The following NMU variants were observed in gnomAD, a reference collection of about 807,000 sequenced individuals.
NMU encodes neuromedin-U.
In NMU, 29 loss-of-function variants were observed where a neutral mutation model predicts 35.4. The observed-to-expected ratio is 0.82, with a 90% confidence interval of 0.61 to 1.12. The LOEUF (loss-of-function observed/expected upper bound fraction) is 1.12. Among genes scored for constraint, NMU ranks in the 50% most tolerant of loss-of-function variants. The probability of loss-of-function intolerance (pLI) is 0.00; values close to 1 mark genes in which losing one functional copy is unlikely to be tolerated. For synonymous variants in NMU, 78 were observed against 81.3 expected (o/e 0.96, Z 0.22); for missense variants, 199 against 206.2 (o/e 0.97, Z 0.21).
chr4:55,597,960 TG>T (rs1345907651), intron 9 of NMU, among the ~76,000 whole-genome samples: 2 of 152,096 alleles, frequency 1.3e-5, no homozygotes, highest in East Asian at 3.8e-4. Flanking sequence ...AAAGAATTAC[TG>T]ACAGATTTTT....
chr4:55,625,994 A>G (rs1734513458), intron 2 of NMU, among the ~76,000 whole-genome samples: 1 of 152,056 alleles, frequency 6.6e-6, no homozygotes, highest in Non-Finnish European at 1.5e-5. Context: ...CCACTTATGG[A>G]TCTGTGGGAG....
chr4:55,625,003 CT>C (rs1221545444), intron 2 of NMU, among the ~76,000 whole-genome samples: 2 of 82,802 alleles, frequency 2.4e-5, no homozygotes, highest in African/African-American at 8.6e-5. Flanking sequence ...GAATATCACA[CT>C]CTGGGGACTG....
chr4:55,600,154 T>C (rs964432090), intron 8 of NMU, among the ~76,000 whole-genome samples: 13 of 152,172 alleles, frequency 8.5e-5, no homozygotes, highest in African/African-American at 3.1e-4. Flanking sequence ...TTTGTGAAAG[T>C]ATTCGTAACT....
At chr4:55,602,639 C>G (rs746172217) in intron 7 of NMU, among the ~76,000 whole-genome samples, 6 of 152,162 alleles carry the variant, frequency 3.9e-5, no homozygotes, top group Non-Finnish European at 7.4e-5. Context: ...ATAACTCGAG[C>G]AAACACTTTT....
At position 55,616,358 on chromosome 4, in the gene NMU, A is replaced by C. The variant is rs199710533; in HGVS notation, c.199T>G (p.Ser67Ala). The C allele has an allele frequency of 6.2e-7, 1 of 1,612,340 alleles. No homozygotes were observed. The highest frequency in any genetic ancestry group is 1.3e-5 in the African/African-American group (1 of 75,030). The change falls in exon 3 of 10, where the codon TCC (serine) becomes GCC (alanine). Residue 67 changes from serine (S) to alanine (A), a missense_variant. Coordinates refer to ENST00000264218, the MANE Select transcript of NMU (RefSeq NM_006681.4). ...ATTACCTGAGGCTGAGAATCAATGGACAGAAAAGACGAACAAGTATCATCT... is the reference window on the plus strand; with the variant it reads ...ATTACCTGAGGCTGAGAATCAATGGCCAGAAAAGACGAACAAGTATCATCT... The part of the protein sequence containing the change: ...EIDDTCSSFL[S>A]IDSQPQASNA...
At chr4:55,607,599 T>C (rs1440493861) in intron 4 of NMU, 133 bp from the exon 5 acceptor site, 2 of 345,118 alleles carry the variant, frequency 5.8e-6, no homozygotes, top group Non-Finnish European at 1.1e-5. Context: ...AATACAAGAC[T>C]GAAATTAGTT....
chr4:55,616,121 G>A lies in NMU; in HGVS notation c.219+217C>T, dbSNP rs571444902. 3.3e-5 allele frequency among the ~76,000 whole-genome samples: 5 copies of A among 152,244 alleles called. No homozygotes were observed. The South Asian group carries it at 6.2e-4, about 19-fold the overall frequency. ...ATTTTAATTTGACGTTACAAAATAC[G>A]TGTATATTGTCTGCAAATCTATTTT... On this transcript the variant is annotated intron_variant, in intron 3 of 9. Coordinates refer to ENST00000264218, the MANE Select transcript of NMU (RefSeq NM_006681.4).
At chr4:55,597,142 T>G (rs1271973864) in intron 9 of NMU, among the ~76,000 whole-genome samples, 5 of 152,046 alleles carry the variant, frequency 3.3e-5, no homozygotes, top group Admixed American at 3.3e-4. Flanking sequence ...CCTTTTAAAT[T>G]TTTACATTAA....
chr4:55,605,212 A>T, intron 7 of NMU, 63 bp downstream of exon 7: 2 of 1,068,120 alleles, frequency 1.9e-6, no homozygotes, highest in Non-Finnish European at 2.9e-6. Flanking sequence ...CACAGCTGGG[A>T]ATTAACAGAA....
At chr4:55,628,568 G>C (rs542284008) in intron 2 of NMU, among the ~76,000 whole-genome samples, 1 of 151,924 alleles carries the variant, frequency 6.6e-6, no homozygotes, top group African/African-American at 2.4e-5. Flanking sequence ...GTGCCATCTC[G>C]GCTCACTGCA....
chr4:55,610,537 G>GAAC (rs1418424739), intron 3 of NMU, among the ~76,000 whole-genome samples: 1 of 151,882 alleles, frequency 6.6e-6, no homozygotes, highest in East Asian at 1.9e-4. Flanking sequence ...CTCTCCCTTT[G>GAAC]AACAACAGTA....
intron 3 of NMU, among the ~76,000 whole-genome samples, chr4:55,615,877 G>C (rs866786258): frequency 6.6e-6 from 1 of 152,034 alleles, no homozygotes; most frequent in Non-Finnish European, 1.5e-5. Flanking sequence ...GTGAGAACAT[G>C]CAATATTTGG....
chr4:55,614,267 T>C (rs1301634591), intron 3 of NMU, among the ~76,000 whole-genome samples: 2 of 152,182 alleles, frequency 1.3e-5, no homozygotes, highest in Non-Finnish European at 2.9e-5. Flanking sequence ...TTATTTTGTA[T>C]GTATTCTTCC....
At chr4:55,618,943 C>T (rs147177178) in intron 2 of NMU, among the ~76,000 whole-genome samples, 1,599 of 148,744 alleles carry the variant, frequency 0.011, 36 homozygotes, top group African/African-American at 0.036. Context: ...AATAAGGGCT[C>T]ACTGCAGCCT....
At chr4:55,599,496 T>C (rs772102122) in intron 8 of NMU, among the ~76,000 whole-genome samples, 2 of 152,188 alleles carry the variant, frequency 1.3e-5, no homozygotes, top group African/African-American at 2.4e-5. Flanking sequence ...TCAATTTTAA[T>C]TTGATATGAA....
At chr4:55,614,239 C>T (rs1324144335) in intron 3 of NMU, among the ~76,000 whole-genome samples, 2 of 152,148 alleles carry the variant, frequency 1.3e-5, no homozygotes, top group African/African-American at 4.8e-5. Context: ...GACTCCCCTT[C>T]CACATAACCA....
At chr4:55,615,459 G>T (rs752412217) in intron 3 of NMU, among the ~76,000 whole-genome samples, 1 of 152,110 alleles carries the variant, frequency 6.6e-6, no homozygotes, top group African/African-American at 2.4e-5. Context: ...TAGCAAACAC[G>T]CTTGATATCA....
rs200956529 is a variant in NMU at position 55,607,309 on chromosome 4, A to G, written c.349T>C (p.Ser117Pro). Residue 117 changes from serine to proline, a missense_variant, in exon 6 of 10, where the codon TCA becomes CCA. Physicochemically the swap from Ser to Pro is moderately conservative, Grantham distance 74 (BLOSUM62 -1). Coordinates refer to ENST00000264218, the MANE Select transcript of NMU (RefSeq NM_006681.4). ...GTTCTACAACTTACCACAACATTTG[A>G]CTTGCCCAACTTCTGTGTCTTCGAA... ...HYSKTQKLGK[S>P]NVVSSVVHPL... is the part of the protein sequence containing the mutation. The G allele has an allele frequency of 1.0e-4, 168 of 1,607,304 alleles. No individual in the cohort carries two copies. Among genetic ancestry groups the G allele is most frequent in the Non-Finnish European group, 2.0e-5 (24 of 1,174,238 alleles).
At position 55,598,269 on chromosome 4, in the gene NMU, A is replaced by C. The variant is rs1577930039; in HGVS notation, c.*4+873T>G. Among the ~76,000 whole-genome samples, 3 of 151,704 alleles carry C rather than the reference A, an allele frequency of 2.0e-5. 1 individual carries two copies. In the South Asian group the frequency reaches 6.3e-4, roughly 32 times the overall value. ...ACCACATCTGGCTAATTTTTTTCTT[A>C]AGTATTTGTAGAGATGGGGTATCAA... is the stretch of plus-strand genomic sequence containing the variant. On this transcript the variant is annotated intron_variant, in intron 9 of 9. Coordinates refer to ENST00000264218, the MANE Select transcript of NMU (RefSeq NM_006681.4).
Sources: allele counts gnomAD v4.1 joint callset (sites outside exome capture counted in the v4.1 genomes callset), GRCh38; gene constraint gnomAD v4.1.1; transcripts MANE v1.5; gene names NCBI Gene and HGNC (gene_info 2026-07-23, HGNC 2026-07-21).